The following RSU1 variants were observed in gnomAD, a reference collection of about 807,000 sequenced individuals.
RSU1 encodes the protein Ras suppressor protein 1.
Under a neutral mutation model 31.1 loss-of-function variants are expected in RSU1, and 26 were observed. The ratio of observed to expected loss-of-function variants is 0.84; its 90% CI spans 0.61 to 1.16. The LOEUF (loss-of-function observed/expected upper bound fraction) is 1.16, where lower values mean the gene tolerates loss of function less well. Among genes scored for constraint, RSU1 ranks in the 50% most tolerant of loss-of-function variants. The pLI, the probability that RSU1 is intolerant of heterozygous loss-of-function variation, is 0.00. For synonymous variants in RSU1, 164 were observed against 136.3 expected (o/e 1.20, Z -1.41); for missense variants, 320 against 339.1 (o/e 0.94, Z 0.44).
At chr10:16,814,461 A>AAG (rs749513804) in intron 2 of RSU1, among the ~76,000 whole-genome samples, 2,329 of 146,238 alleles carry the variant, frequency 0.016, 66 homozygotes, top group African/African-American at 0.057. Flanking sequence ...GAAAAAAAAA[A>AAG]AAAAAAAGAA....
rs113994787 is a variant in RSU1, at chr10:16,634,121, T to G, written c.732-40625A>C. 1.7e-3 allele frequency among the ~76,000 whole-genome samples: 263 copies of G among 152,290 alleles called. 1 individual carries two copies. The highest frequency in any genetic ancestry group is 6.0e-3 in the African/African-American group (248 of 41,566). ...CACCTTCACCAGGCAGTGCTGAAGT[T>G]TGGGAACAGCTAGAAGATTAACAGA... On this transcript the variant is annotated intron_variant, in intron 8 of 8. Coordinates refer to ENST00000345264, the MANE Select transcript of RSU1 (RefSeq NM_012425.4).
chr10:16,655,077 AGAG>A (rs1834755578), intron 8 of RSU1, among the ~76,000 whole-genome samples: 22 of 67,780 alleles, frequency 3.2e-4, no homozygotes, highest in African/African-American at 1.5e-3. Context: ...AAAAAAAAAG[AGAG>A]AGAGAGAGAG....
At chr10:16,646,008 ATATACATATATGTGTATATATATGTG>A (rs1834558035) in intron 8 of RSU1, among the ~76,000 whole-genome samples, 2 of 101,586 alleles carry the variant, frequency 2.0e-5, no homozygotes, top group African/African-American at 5.0e-5. Flanking sequence ...ATATATGTGT[ATATACATATATGTGTATATATATGTG>A]TATATACATA....
chr10:16,619,595 C>T (rs1193664188), intron 8 of RSU1, among the ~76,000 whole-genome samples: 7 of 152,122 alleles, frequency 4.6e-5, no homozygotes, highest in Non-Finnish European at 8.8e-5. Context: ...TTTCCTTGAA[C>T]AAAAGGTGGC....
At chr10:16,616,057 C>G (rs373598110) in intron 8 of RSU1, among the ~76,000 whole-genome samples, 1 of 151,918 alleles carries the variant, frequency 6.6e-6, no homozygotes, top group African/African-American at 2.4e-5. Flanking sequence ...AGGAAAAACC[C>G]TTTAAAAAAA....
At chr10:16,756,236 G>C (rs1837083219) in intron 4 of RSU1, among the ~76,000 whole-genome samples, 1 of 152,158 alleles carries the variant, frequency 6.6e-6, no homozygotes, top group Non-Finnish European at 1.5e-5. Context: ...AGGTTTGCAA[G>C]ATGAGAAAAT....
chr10:16,618,628 A>T (rs1564287809), intron 8 of RSU1, among the ~76,000 whole-genome samples: 1 of 152,236 alleles, frequency 6.6e-6, no homozygotes, highest in Non-Finnish European at 1.5e-5. Flanking sequence ...CATACACACC[A>T]TGGAATACTA....
chr10:16,716,803 A>C (rs1836151422), intron 7 of RSU1, among the ~76,000 whole-genome samples: 1 of 152,186 alleles, frequency 6.6e-6, no homozygotes, highest in South Asian at 2.1e-4. Flanking sequence ...AATATGTAAT[A>C]GGAGGAAATG....
chr10:16,639,244 G>T (rs556943978), intron 8 of RSU1, among the ~76,000 whole-genome samples: 1 of 152,268 alleles, frequency 6.6e-6, no homozygotes, highest in Middle Eastern at 3.4e-3. Flanking sequence ...AAACAATAAC[G>T]TATTAATCCA....
At chr10:16,634,472 T>C (rs767939412) in intron 8 of RSU1, among the ~76,000 whole-genome samples, 44 of 152,252 alleles carry the variant, frequency 2.9e-4, no homozygotes, top group Non-Finnish European at 5.6e-4. Context: ...ATATAACTTT[T>C]TACACACGAG....
chr10:16,715,147 TTCC>T (rs1262273438), intron 7 of RSU1, among the ~76,000 whole-genome samples: 5 of 152,222 alleles, frequency 3.3e-5, no homozygotes, highest in Non-Finnish European at 7.3e-5. Context: ...TCCAGCATAC[TTCC>T]TCGTCACTCT....
intron 8 of RSU1, among the ~76,000 whole-genome samples, chr10:16,623,647 T>C (rs1006575951): frequency 3.9e-5 from 6 of 152,218 alleles, no homozygotes; most frequent in Non-Finnish European, 8.8e-5. Context: ...ACCAGCAGTA[T>C]ATAACCATTC....
At chr10:16,775,958 T>C (rs138242838) in intron 3 of RSU1, among the ~76,000 whole-genome samples, 61 of 152,358 alleles carry the variant, frequency 4.0e-4, no homozygotes, top group Admixed American at 3.9e-3. Flanking sequence ...CAAGATAAAT[T>C]CATGACACAG....
At chr10:16,672,401 A>G (rs541971344) in intron 8 of RSU1, among the ~76,000 whole-genome samples, 1 of 152,316 alleles carries the variant, frequency 6.6e-6, no homozygotes, top group Non-Finnish European at 1.5e-5. Flanking sequence ...TGTTCAACAA[A>G]AGACTTTTAC....
At chr10:16,690,581 T>C (rs1471342215) in intron 8 of RSU1, among the ~76,000 whole-genome samples, 1 of 152,226 alleles carries the variant, frequency 6.6e-6, no homozygotes, top group African/African-American at 2.4e-5. Flanking sequence ...AGTATTTTAA[T>C]TCTGTTGACA....
At chr10:16,718,930 G>C (rs1836198782) in intron 7 of RSU1, among the ~76,000 whole-genome samples, 1 of 148,818 alleles carries the variant, frequency 6.7e-6, no homozygotes, top group South Asian at 2.1e-4. Context: ...GAAGTGAGCT[G>C]AGATCATGCC....
chr10:16,800,009 G>A (rs1305698339), intron 2 of RSU1, among the ~76,000 whole-genome samples: 1 of 152,102 alleles, frequency 6.6e-6, no homozygotes, highest in Non-Finnish European at 1.5e-5. Context: ...AGAAGTTCAA[G>A]GCTCACACAG....
chr10:16,650,861 G>T (rs1056561445), intron 8 of RSU1, among the ~76,000 whole-genome samples: 4 of 152,162 alleles, frequency 2.6e-5, no homozygotes, highest in African/African-American at 9.6e-5. Context: ...GATTACAGGC[G>T]TGAGCCACTG....
intron 8 of RSU1, among the ~76,000 whole-genome samples, chr10:16,602,755 A>C (rs1588668994): frequency 6.6e-6 from 1 of 152,240 alleles, no homozygotes; most frequent in African/African-American, 2.4e-5. Flanking sequence ...ACCAATTTTA[A>C]AATCTCAGGA....
Sources: gnomAD v4.1 joint callset for allele counts (sites outside exome capture counted in the v4.1 genomes callset) on GRCh38, gnomAD v4.1.1 for gene constraint, MANE v1.5 for transcripts, NCBI Gene and HGNC (gene_info 2026-07-23, HGNC 2026-07-21) for gene names.